NELFB: variants seen among roughly 807,000 people sequenced by gnomAD.
NELFB encodes the protein negative elongation factor complex member B, also known as negative elongation factor B.
In NELFB, 34 loss-of-function variants were observed where a neutral mutation model predicts 60.2. That is an observed-to-expected ratio of 0.56 (90% CI 0.43 to 0.75). NELFB has a LOEUF of 0.75. Among genes scored for constraint, NELFB ranks in the 30% least tolerant of loss-of-function variants. The probability of loss-of-function intolerance (pLI) is 0.00; values close to 1 mark genes in which losing one functional copy is unlikely to be tolerated. For missense variants in NELFB, 770 were observed against 831.6 expected, an observed-to-expected ratio of 0.93 and a Z score of 0.91; for synonymous variants, 459 against 382.1, an observed-to-expected ratio of 1.20 and a Z score of -2.35.
chr9:137,267,535 C>T, intron 10 of NELFB, among the ~76,000 whole-genome samples, 189 bp downstream of exon 10: 1 of 150,850 alleles, frequency 6.6e-6, no homozygotes, highest in South Asian at 2.1e-4. Flanking sequence ...CTCTGTCGCC[C>T]AGGCTGGAGT....
At chr9:137,258,086 T>C (rs1050725059) in intron 4 of NELFB, among the ~76,000 whole-genome samples, 3 of 146,636 alleles carry the variant, frequency 2.0e-5, no homozygotes, top group Non-Finnish European at 3.0e-5. Context: ...ATTACAGACA[T>C]GAGGCACCAT....
chr9:137,259,173 A>G (rs1447542379), intron 4 of NELFB, among the ~76,000 whole-genome samples: 5 of 152,164 alleles, frequency 3.3e-5, no homozygotes, highest in African/African-American at 1.2e-4. Flanking sequence ...CCTGGGCGAC[A>G]GAGTGAGAGA....
chr9:137,255,801 G>A (rs760258130), intron 1 of NELFB, 106 bp from the exon 2 acceptor site: 98 of 1,540,622 alleles, frequency 6.4e-5, no homozygotes, highest in Non-Finnish European at 8.4e-5. Context: ...TGCGGTTACC[G>A]CCAGCACGGC....
intron 3 of NELFB, 27 bp downstream of exon 3, chr9:137,256,455 G>C (rs1222800358): frequency 6.3e-7 from 1 of 1,597,816 alleles, no homozygotes; most frequent in Non-Finnish European, 8.6e-7. Context: ...AACCCTGATG[G>C]CGTGGACCGT....
intron 6 of NELFB, 33 bp from the exon 7 acceptor site, chr9:137,265,844 C>T (rs200929081): frequency 2.4e-5 from 34 of 1,419,812 alleles, no homozygotes; most frequent in East Asian, 6.8e-5. Context: ...GGGCAACAGG[C>T]GTCGCATTAA....
At chr9:137,262,385 C>G (rs532129863) in intron 4 of NELFB, among the ~76,000 whole-genome samples, 1 of 152,222 alleles carries the variant, frequency 6.6e-6, no homozygotes, top group African/African-American at 2.4e-5. Context: ...CCAAGGAGCC[C>G]TCTGGTGGCC....
In NELFB at chr9:137,265,451, C is replaced by T. The variant is rs1209671851; in HGVS notation, c.1041-426C>T. 4.7e-5 allele frequency among the ~76,000 whole-genome samples: 6 copies of T among 128,408 alleles called. No homozygotes were observed. The South Asian group carries it at 1.0e-3, about 22-fold the overall frequency. The allele number at this position is 128,408 out of a possible 152,430, so 84.2% of individuals were successfully genotyped here. ...TTGCCCAGGCTGGAGTGCAGTGACGCGATCCTGGCTCACTGCAAGCTCTGC... is the reference window on the plus strand; with the variant it reads ...TTGCCCAGGCTGGAGTGCAGTGACGTGATCCTGGCTCACTGCAAGCTCTGC... On this transcript the variant is annotated intron_variant, in intron 6 of 12. Transcript: ENST00000343053.
rs1309914220 is a variant in NELFB, at chr9:137,263,374, C to T, written c.927+152C>T. 5.5e-6 allele frequency: 3 copies of T among 542,976 alleles called. No individual in the cohort carries two copies. The African/African-American group carries it at 8.9e-5, about 16-fold the overall frequency. 33.6% of individuals were successfully genotyped at this position (542,976 alleles called of 1,614,324 possible). ...CCCTCCCTCCCTCCTTCTCCCTTCT[C>T]CCCCGCTCCCCGGCCCTCCCTCCTC... On this transcript the variant is annotated intron_variant, in intron 5 of 12. Transcript: ENST00000343053.
At position 137,269,292 on chromosome 9, in the gene NELFB, G is replaced by A. The variant is rs553623148; in HGVS notation, c.1489+1946G>A. Among the ~76,000 whole-genome samples the A allele has an allele frequency of 5.3e-5, 8 of 152,270 alleles. No homozygotes were observed. In the South Asian group the frequency reaches 1.7e-3, roughly 32 times the overall value. ...ACCACAGACAGTGGCATTAGACAGC[G>A]CAGGCAGACATGACCTCCTGGGCTT... On this transcript the variant is annotated intron_variant, in intron 10 of 12. Coordinates refer to ENST00000343053, the MANE Select transcript of NELFB (RefSeq NM_015456.5). This position sits in a 1 kb window ranked among gnomAD's most constrained non-coding sequence, Gnocchi z 5.3.
chr9:137,271,576 G>T (rs1830584487), intron 10 of NELFB, among the ~76,000 whole-genome samples: 1 of 152,260 alleles, frequency 6.6e-6, no homozygotes, highest in Admixed American at 6.5e-5. Flanking sequence ...TTTGGTGTCT[G>T]GCTTCAGAAA....
rs531841149 is a variant in NELFB, at chr9:137,267,641, G to A, written c.1489+295G>A. Among the ~76,000 whole-genome samples, 24 of 151,984 alleles carry A rather than the reference G, an allele frequency of 1.6e-4. No individual in the cohort carries two copies. The East Asian group carries it at 2.9e-3, about 18-fold the overall frequency. On this transcript the variant is annotated intron_variant, in intron 10 of 12. Coordinates refer to ENST00000343053, the MANE Select transcript of NELFB (RefSeq NM_015456.5). Reference sequence around the variant, plus strand: ...CCTGAGTAGCTGGGATTACAGGCGCGTGCCACCGTGCCAGGCTAATTTTTG... The same window carrying A: ...CCTGAGTAGCTGGGATTACAGGCGCATGCCACCGTGCCAGGCTAATTTTTG...
chr9:137,262,685 G>A (rs1185743359), intron 4 of NELFB, among the ~76,000 whole-genome samples: 1 of 152,208 alleles, frequency 6.6e-6, no homozygotes, highest in Non-Finnish European at 1.5e-5. Context: ...GCTGCCCACA[G>A]TTGGGTGTCG....
At chr9:137,264,799 C>T (rs1039051065) in intron 6 of NELFB, among the ~76,000 whole-genome samples, 1 of 152,200 alleles carries the variant, frequency 6.6e-6, no homozygotes, top group Admixed American at 6.5e-5. Context: ...ATGCCGGGCA[C>T]TGCTGGCCCA....
Position 137,272,902 on chromosome 9 carries a change from A to G in NELFB, c.1861A>G (p.Ser621Gly). 6.5e-7 allele frequency: 1 copy of G among 1,542,982 alleles called. No homozygotes were observed. The highest frequency in any genetic ancestry group is 8.7e-7 in the Non-Finnish European group (1 of 1,142,898). ...GCCGGCCCTGGAGCTGCCCCTCCCCAGCGTGCCCGCCCCTGCCCCGCTCTG... is the reference window on the plus strand; with the variant it reads ...GCCGGCCCTGGAGCTGCCCCTCCCCGGCGTGCCCGCCCCTGCCCCGCTCTG... The change falls in exon 13 of 13, where the codon AGC (serine) becomes GGC (glycine). Residue 621 changes from serine (S) to glycine (G), a missense_variant. Coordinates refer to ENST00000343053, the MANE Select transcript of NELFB (RefSeq NM_015456.5).
At chr9:137,258,050 C>A (rs1837584526) in intron 4 of NELFB, among the ~76,000 whole-genome samples, 1 of 151,666 alleles carries the variant, frequency 6.6e-6, no homozygotes, top group Non-Finnish European at 1.5e-5. Context: ...AGCGATCCTC[C>A]CACATCAGCC....
At chr9:137,266,904 G>A in intron 8 of NELFB, 40 bp from the exon 9 acceptor site, 1 of 1,591,094 alleles carries the variant, frequency 6.3e-7, no homozygotes, top group Non-Finnish European at 8.6e-7. Context: ...GTGGGGCAGG[G>A]CCCGGGCCCG....
rs995131288 is a variant in NELFB, at chr9:137,263,138, C to G, written c.843C>G (p.His281Gln). 1.9e-6 allele frequency: 3 copies of G among 1,613,970 alleles called. No homozygotes were observed. The highest frequency in any genetic ancestry group is 2.5e-6 in the Non-Finnish European group (3 of 1,180,012). ...TCTTCCTGCGCACGCGGAATGTGCA[C>G]TACTGCACGCTGCGGGCTGAGCTGC... is the stretch of plus-strand genomic sequence containing the variant. Residue 281 changes from histidine to glutamine, a missense_variant, in exon 5 of 13, where the codon CAC becomes CAG. His to Gln is a conservative substitution (Grantham distance 24, BLOSUM62 0). Coordinates refer to ENST00000343053, the MANE Select transcript of NELFB (RefSeq NM_015456.5).
At chr9:137,259,096 C>G in intron 4 of NELFB, among the ~76,000 whole-genome samples, 1 of 152,062 alleles carries the variant, frequency 6.6e-6, no homozygotes, top group Non-Finnish European at 1.5e-5. Context: ...GAGGCTGAAG[C>G]AGGAGGATTG....
chr9:137,262,394 C>T (rs1167457567), intron 4 of NELFB, among the ~76,000 whole-genome samples: 1 of 152,190 alleles, frequency 6.6e-6, no homozygotes, highest in Non-Finnish European at 1.5e-5. Context: ...CCTCTGGTGG[C>T]CCTGTCCAGG....
Sources: allele counts gnomAD v4.1 joint callset (sites outside exome capture counted in the v4.1 genomes callset), GRCh38; gene constraint gnomAD v4.1.1; non-coding constraint Gnocchi (gnomAD v3.1); transcripts MANE v1.5; gene names NCBI Gene and HGNC (gene_info 2026-07-23, HGNC 2026-07-21).